The following FAM168A variants were observed in gnomAD, a reference collection of about 807,000 sequenced individuals.
The protein encoded by FAM168A is protein FAM168A.
Under a neutral mutation model 28.5 loss-of-function variants are expected in FAM168A, and 3 were observed. The observed-to-expected ratio is 0.11, with a 90% CI of 0.05 to 0.27. The LOEUF (loss-of-function observed/expected upper bound fraction) is 0.27. Ranked by LOEUF, FAM168A falls within the 10% of genes least tolerant of loss-of-function variation. The pLI is 1.00. For missense variants in FAM168A, 222 were observed against 311.5 expected (o/e 0.71, Z 2.16); for synonymous variants, 122 against 124.2 (o/e 0.98, Z 0.12).
chr11:73,510,839 A>C, intron 1 of FAM168A: 1 of 348,872 alleles, frequency 2.9e-6, no homozygotes, highest in Non-Finnish European at 5.2e-6. Flanking sequence ...TGCCTAATGT[A>C]ATCAGAAACA....
intron 1 of FAM168A, among the ~76,000 whole-genome samples, chr11:73,497,977 CA>C (rs2134619259): frequency 6.6e-6 from 1 of 152,148 alleles, no homozygotes; most frequent in Non-Finnish European, 1.5e-5. Flanking sequence ...ATTCATTTAA[CA>C]AATGTTTATT....
intron 1 of FAM168A, among the ~76,000 whole-genome samples, chr11:73,489,631 C>T (rs1040604932): frequency 2.6e-5 from 4 of 152,066 alleles, no homozygotes; most frequent in Non-Finnish European, 5.9e-5. Flanking sequence ...CCATCTCAGC[C>T]TCCCGAGTAG....
chr11:73,450,148 A>G (rs994494424), intron 2 of FAM168A, among the ~76,000 whole-genome samples: 8 of 152,208 alleles, frequency 5.3e-5, no homozygotes, highest in African/African-American at 1.9e-4. Context: ...AGGACCACCC[A>G]ATCTGTCTTG....
At chr11:73,590,922 C>T (rs1366309108) in intron 1 of FAM168A, among the ~76,000 whole-genome samples, 1 of 152,186 alleles carries the variant, frequency 6.6e-6, no homozygotes, top group Non-Finnish European at 1.5e-5. Context: ...GCAGGCAGAT[C>T]ATCTGAGGTC....
intron 1 of FAM168A, among the ~76,000 whole-genome samples, chr11:73,541,131 C>T (rs558800451): frequency 9.3e-4 from 141 of 151,862 alleles, no homozygotes; most frequent in Middle Eastern, 3.4e-3. Context: ...CCTGAACCTG[C>T]GAGGTGGAGG....
At chr11:73,425,437 T>C (rs79022579) in intron 3 of FAM168A, among the ~76,000 whole-genome samples, 2,024 of 152,346 alleles carry the variant, frequency 0.013, 43 homozygotes, top group African/African-American at 0.045. Context: ...AATATCACCA[T>C]CTTTGGCCTC....
intron 7 of FAM168A, 103 bp downstream of exon 7, chr11:73,407,410 T>C: frequency 1.5e-6 from 1 of 666,606 alleles, no homozygotes; most frequent in Non-Finnish European, 2.4e-6. Flanking sequence ...TGACAGCTGT[T>C]ACCTGCCCTA....
At chr11:73,455,803 T>C (rs992098654) in intron 2 of FAM168A, among the ~76,000 whole-genome samples, 2 of 152,212 alleles carry the variant, frequency 1.3e-5, no homozygotes, top group African/African-American at 4.8e-5. Context: ...ATCTATAAAA[T>C]AGGCAGGAGC....
At chr11:73,420,646 C>A (rs1045395389) in intron 3 of FAM168A, among the ~76,000 whole-genome samples, 2 of 152,232 alleles carry the variant, frequency 1.3e-5, no homozygotes, top group East Asian at 1.9e-4. Flanking sequence ...TTCTTGCATA[C>A]CCCTGAATAT....
intron 2 of FAM168A, among the ~76,000 whole-genome samples, chr11:73,439,349 T>C (rs1479280386): frequency 6.6e-6 from 1 of 152,188 alleles, no homozygotes; most frequent in Non-Finnish European, 1.5e-5. Flanking sequence ...TGAGTTGTGC[T>C]GCATCTTCAG....
intron 1 of FAM168A, among the ~76,000 whole-genome samples, chr11:73,491,158 A>T (rs2134608288): frequency 6.6e-6 from 1 of 152,308 alleles, no homozygotes; most frequent in East Asian, 1.9e-4. Context: ...ATATATACAC[A>T]TACTCCCCAG....
intron 1 of FAM168A, among the ~76,000 whole-genome samples, chr11:73,535,670 T>C (rs933316844): frequency 1.6e-4 from 24 of 151,848 alleles, no homozygotes; most frequent in African/African-American, 5.6e-4. Context: ...CTGCCTGCCT[T>C]GGCCTCCCAA....
At chr11:73,459,024 T>C (rs1413006962) in intron 2 of FAM168A, among the ~76,000 whole-genome samples, 1 of 152,234 alleles carries the variant, frequency 6.6e-6, no homozygotes, top group Non-Finnish European at 1.5e-5. Context: ...TGCGGTTTTG[T>C]GAGCCTTTGT....
chr11:73,588,469 T>A (rs539630918), intron 1 of FAM168A, among the ~76,000 whole-genome samples: 12 of 152,146 alleles, frequency 7.9e-5, no homozygotes, highest in Non-Finnish European at 1.8e-4. Flanking sequence ...GTCAGGGGTA[T>A]CACTTGAGCC....
chr11:73,585,594 G>A (rs1301935765), intron 1 of FAM168A, among the ~76,000 whole-genome samples: 1 of 152,128 alleles, frequency 6.6e-6, no homozygotes, highest in African/African-American at 2.4e-5. Context: ...CTGGCCAGGC[G>A]TAGTGGCTCA....
intron 1 of FAM168A, among the ~76,000 whole-genome samples, chr11:73,544,474 A>T (rs753403481): frequency 6.6e-6 from 1 of 151,904 alleles, no homozygotes. Context: ...ATAAAAACTT[A>T]TATGCTAATG....
intron 2 of FAM168A, among the ~76,000 whole-genome samples, chr11:73,442,955 G>T (rs1374928262): frequency 9.9e-5 from 4 of 40,234 alleles, no homozygotes; most frequent in African/African-American, 1.3e-4. Flanking sequence ...ATATACAAAG[G>T]ATATATATAT....
intron 1 of FAM168A, among the ~76,000 whole-genome samples, chr11:73,487,029 T>C (rs1345106147): frequency 6.6e-6 from 1 of 152,212 alleles, no homozygotes; most frequent in East Asian, 1.9e-4. Context: ...CCAATGTGAA[T>C]AAAATACGAA....
chr11:73,536,523 A>G (rs1383861425), intron 1 of FAM168A, among the ~76,000 whole-genome samples: 1 of 152,106 alleles, frequency 6.6e-6, no homozygotes, highest in African/African-American at 2.4e-5. Context: ...CCCCATCTCT[A>G]CTAAAAATAC....
Sources: gnomAD v4.1 joint callset for allele counts (sites outside exome capture counted in the v4.1 genomes callset) on GRCh38, gnomAD v4.1.1 for gene constraint, MANE v1.5 for transcripts, NCBI Gene and HGNC (gene_info 2026-07-23, HGNC 2026-07-21) for gene names.